SLC5A9: variants seen among roughly 807,000 people sequenced by gnomAD.
The protein encoded by SLC5A9 is sodium/glucose cotransporter 4.
SLC5A9 carries 59 observed loss-of-function variants against 70.9 expected under a neutral mutation model. That is an observed-to-expected ratio of 0.83 (90% CI 0.68 to 1.03). SLC5A9 has a LOEUF of 1.03. Among genes scored for constraint, SLC5A9 ranks in the 50% least tolerant of loss-of-function variants. The pLI is 0.00. For synonymous variants in SLC5A9, 340 were observed against 346.5 expected (o/e 0.98, Z 0.21); for missense variants, 832 against 881.1 (o/e 0.94, Z 0.71).
At chr1:48,228,715 ATGTATTTATGAATGCAG>A (rs1382489674) in intron 2 of SLC5A9, 118 bp from the exon 3 acceptor site, 28 of 1,387,968 alleles carry the variant, frequency 2.0e-5, no homozygotes, top group Non-Finnish European at 2.4e-5. Context: ...GTGGAATTAA[ATGTATTTATGAATGCAG>A]TGCCTGGCAT....
rs774273531 is a variant in SLC5A9, at chr1:48,231,952, A to G, written c.698A>G (p.Gln233Arg). 3 of 1,614,104 alleles carry G rather than the reference A, an allele frequency of 1.9e-6. No homozygotes were observed. Among genetic ancestry groups the G allele is most frequent in the Admixed American group, 3.3e-5 (2 of 60,016 alleles). Residue 233 changes from glutamine to arginine, a missense_variant, in exon 7 of 14, where the codon CAG (glutamine) becomes CGG (arginine). Physicochemically the swap from Gln to Arg is conservative, Grantham distance 43. Transcript: ENST00000438567. Reference protein sequence around the residue: ...GALVLMFLGFQDVGWYPGLEQ... With the variant: ...GALVLMFLGFRDVGWYPGLEQ... ...ACTCACTGTCTCCTCACAGGCTTTC[A>G]GGACGTGGGCTGGTACCCAGGCCTG...
At chr1:48,236,853 AGAG>A (rs1346844438) in intron 10 of SLC5A9, among the ~76,000 whole-genome samples, 1 of 152,148 alleles carries the variant, frequency 6.6e-6, no homozygotes, top group African/African-American at 2.4e-5. Context: ...GATTGTGCAA[AGAG>A]GAGGGGGATG....
chr1:48,237,858 T>C lies in SLC5A9; in HGVS notation c.1461+11T>C, dbSNP rs772684674. ...AGGGTCACAGAGCCCGTGAGTGCAG[T>C]GTACCTGTCTCTCACATACAGCAGA... On this transcript the variant is annotated intron_variant, in intron 11 of 13. Transcript: ENST00000438567. 1 of 1,613,694 alleles carries C rather than the reference T, an allele frequency of 6.2e-7. No homozygotes were observed. Among genetic ancestry groups the C allele is most frequent in the South Asian group, 1.1e-5 (1 of 91,006 alleles).
chr1:48,225,699 C>T (rs145971175), intron 2 of SLC5A9, among the ~76,000 whole-genome samples: 4 of 152,232 alleles, frequency 2.6e-5, no homozygotes, highest in East Asian at 1.9e-4. Flanking sequence ...CATGTTCATA[C>T]ATGCCCGCAC....
In SLC5A9 at chr1:48,247,562, A is replaced by G. The variant is rs766043439; in HGVS notation, c.*19A>G. 1.2e-6 allele frequency: 2 copies of G among 1,612,522 alleles called. No individual in the cohort carries two copies. The highest frequency in any genetic ancestry group is 1.7e-6 in the Non-Finnish European group (2 of 1,178,598). ...TGCGTGATTCCACAGACCTGGCTTC[A>G]GTGTAGACAGATTAAACAAAGCCCA... is the stretch of plus-strand genomic sequence containing the variant. On this transcript the variant is annotated 3_prime_UTR_variant, in exon 14 of 14. Coordinates refer to ENST00000438567, the MANE Select transcript of SLC5A9 (RefSeq NM_001011547.3).
rs763554828 is a variant in SLC5A9, at chr1:48,247,418, G to A, written c.1921G>A (p.Glu641Lys). 17 of 1,614,090 alleles carry A rather than the reference G, an allele frequency of 1.1e-5. No individual in the cohort carries two copies. Among genetic ancestry groups the A allele is most frequent in the South Asian group, 7.7e-5 (7 of 91,090 alleles). ...ACCGGAGCAGGCCCTGAGCCCAGCAGAGAAGGCTGCGCTAGAACAGAAGCT... is the reference window on the plus strand; with the variant it reads ...ACCGGAGCAGGCCCTGAGCCCAGCAAAGAAGGCTGCGCTAGAACAGAAGCT... ...GTPEQALSPA[E>K]KAALEQKLTS... The change falls in exon 14 of 14, where the codon GAG becomes AAG. Residue 641 changes from glutamate to lysine, a missense_variant. Transcript: ENST00000438567.
In SLC5A9 at chr1:48,239,355, G is replaced by A; in HGVS notation, c.1495G>A (p.Val499Met). ...AFWGLVFGLG[V>M]GLLRMILEFS... ...CTGGGGCCTCGTGTTTGGCCTGGGAGTGGGGCTTCTGCGTATGATCCTGGA... is the reference window on the plus strand; with the variant it reads ...CTGGGGCCTCGTGTTTGGCCTGGGAATGGGGCTTCTGCGTATGATCCTGGA... Residue 499 changes from valine (V) to methionine (M), a missense_variant, in exon 12 of 14, where the codon GTG (valine) becomes ATG (methionine). Val to Met is a conservative substitution (Grantham distance 21). Transcript: ENST00000438567. The surrounding 1 kb of genome is among the most constrained non-coding windows in gnomAD (Gnocchi z 4.2). The A allele has an allele frequency of 1.2e-6, 2 of 1,613,466 alleles. No individual in the cohort carries two copies. The highest frequency in any genetic ancestry group is 1.3e-5 in the African/African-American group (1 of 75,042).
At chr1:48,230,946 G>T (rs1164114892) in intron 5 of SLC5A9, among the ~76,000 whole-genome samples, 2 of 152,162 alleles carry the variant, frequency 1.3e-5, no homozygotes, top group African/African-American at 2.4e-5. Flanking sequence ...GGGCAGAAAT[G>T]GGAGGAGGAA....
At chr1:48,223,364 G>C (rs997886523) in intron 1 of SLC5A9, among the ~76,000 whole-genome samples, 1 of 152,122 alleles carries the variant, frequency 6.6e-6, no homozygotes, top group Non-Finnish European at 1.5e-5. Flanking sequence ...AGGTTCCTCT[G>C]TTCTCCATTG....
At chr1:48,244,751 A>G (rs1368151451) in intron 13 of SLC5A9, among the ~76,000 whole-genome samples, 1 of 131,886 alleles carries the variant, frequency 7.6e-6, no homozygotes, top group Non-Finnish European at 1.5e-5. Context: ...TATAAATTAT[A>G]TTTATATTAT....
chr1:48,226,675 G>A (rs1557465876), intron 2 of SLC5A9, among the ~76,000 whole-genome samples: 1 of 152,224 alleles, frequency 6.6e-6, no homozygotes, highest in Non-Finnish European at 1.5e-5. Context: ...AGCAGAAGGT[G>A]CAGTCGCCCG....
intron 2 of SLC5A9, among the ~76,000 whole-genome samples, chr1:48,227,087 G>T (rs1315438825): frequency 6.6e-6 from 1 of 152,120 alleles, no homozygotes; most frequent in Non-Finnish European, 1.5e-5. Context: ...ATACCTGTGC[G>T]TGTGAGGGCA....
intron 2 of SLC5A9, among the ~76,000 whole-genome samples, chr1:48,227,289 G>A (rs563878464): frequency 1.7e-5 from 2 of 120,690 alleles, no homozygotes; most frequent in African/African-American, 5.4e-5. Flanking sequence ...GTGTGTATGT[G>A]TGAGAGTGTG....
Position 48,235,856 on chromosome 1 carries a change from G to A in SLC5A9, c.1269G>A (p.Glu423=). The stretch of plus-strand genomic sequence containing the variant: ...AGCGCTTCCGCAGGAAGTCAACAGA[G>A]CAGGAGCTGATGGTGGTGGGCAGGT... ...VWQRFRRKST[E]QELMVVGRVF... Residue 423 remains glutamate, a synonymous_variant, in exon 10 of 14, where the codon GAG becomes GAA. Transcript: ENST00000438567. 6.2e-7 allele frequency: 1 copy of A among 1,614,184 alleles called. No homozygotes were observed. The highest frequency in any genetic ancestry group is 1.1e-5 in the South Asian group (1 of 91,080).
intron 7 of SLC5A9, 92 bp downstream of exon 7, chr1:48,232,243 C>A: frequency 6.4e-7 from 1 of 1,554,802 alleles, no homozygotes; most frequent in South Asian, 1.2e-5. Flanking sequence ...GAGGGTTGGA[C>A]CTCATTCTGG....
rs1237791778 is a variant in SLC5A9, at chr1:48,232,113, C to T, written c.859C>T (p.Leu287Phe). Residue 287 changes from leucine to phenylalanine, a missense_variant, in exon 7 of 14, where the codon CTC (leucine) becomes TTC (phenylalanine). Transcript: ENST00000438567. ...CCCTTGGCCAGGTCTCATTTTCGGG[C>T]TCACAGTGCTGGCCACCTGGTGTTG... is the stretch of plus-strand genomic sequence containing the variant. ...DIPWPGLIFG[L>F]TVLATWCWCT... 1.9e-6 allele frequency: 3 copies of T among 1,614,090 alleles called. No individual in the cohort carries two copies. Among genetic ancestry groups the T allele is most frequent in the South Asian group, 1.1e-5 (1 of 91,076 alleles).
In SLC5A9 at chr1:48,235,887, G is replaced by T; in HGVS notation, c.1292+8G>T. ...GCTGATGGTGGTGGGCAGGTGCGCC[G>T]GCCCCTCCTTCCCTCCTTCCGAAGT... On this transcript the variant is annotated splice_region_variant and intron_variant, in intron 10 of 13. Coordinates refer to ENST00000438567, the MANE Select transcript of SLC5A9 (RefSeq NM_001011547.3). The T allele has an allele frequency of 6.2e-7, 1 of 1,614,030 alleles. No homozygotes were observed. The highest frequency in any genetic ancestry group is 8.5e-7 in the Non-Finnish European group (1 of 1,179,974).
At chr1:48,224,511 G>C (rs1237618661) in intron 1 of SLC5A9, among the ~76,000 whole-genome samples, 1 of 152,208 alleles carries the variant, frequency 6.6e-6, no homozygotes, top group East Asian at 1.9e-4. Context: ...GGCCCTGGGA[G>C]ATGAATGGCG....
intron 13 of SLC5A9, among the ~76,000 whole-genome samples, chr1:48,245,517 T>C (rs946468397): frequency 1.3e-5 from 2 of 151,754 alleles, no homozygotes; most frequent in Non-Finnish European, 2.9e-5. Context: ...CATGAGGAAG[T>C]AGAAGGGTAG....
Sources: gnomAD v4.1 joint callset for allele counts (sites outside exome capture counted in the v4.1 genomes callset) on GRCh38, gnomAD v4.1.1 for gene constraint, Gnocchi (gnomAD v3.1) non-coding constraint, MANE v1.5 for transcripts, NCBI Gene and HGNC (gene_info 2026-07-23, HGNC 2026-07-21) for gene names.